The following NEO1 variants were observed in gnomAD, a reference collection of about 807,000 sequenced individuals.
NEO1 encodes the protein neogenin.
Under a neutral mutation model 159.7 loss-of-function variants are expected in NEO1, and 63 were observed. That is an observed-to-expected ratio of 0.39 (90% CI 0.32 to 0.49). The LOEUF (loss-of-function observed/expected upper bound fraction) is 0.49, where lower values mean the gene tolerates loss of function less well. NEO1 is among the 20% of genes least tolerant of loss of function. The pLI is 0.85. For synonymous variants in NEO1, 633 were observed against 662.0 expected (o/e 0.96, Z 0.67); for missense variants, 1,615 against 1,831.0 (o/e 0.88, Z 2.15).
chr15:73,056,901 CA>C (rs1284840830), intron 1 of NEO1, among the ~76,000 whole-genome samples: 2 of 152,016 alleles, frequency 1.3e-5, no homozygotes, highest in Non-Finnish European at 2.9e-5. Flanking sequence ...GAATGAGGCA[CA>C]AAAGAGATCA....
At chr15:73,059,500 TG>T (rs1172496385) in intron 1 of NEO1, among the ~76,000 whole-genome samples, 1 of 152,198 alleles carries the variant, frequency 6.6e-6, no homozygotes, top group African/African-American at 2.4e-5. Context: ...CGTTTATCTT[TG>T]AGGGCTAATT....
At chr15:73,298,651 G>A in intron 27 of NEO1, 40 bp downstream of exon 27, 1 of 1,606,510 alleles carries the variant, frequency 6.2e-7, no homozygotes, top group South Asian at 1.1e-5. Flanking sequence ...GAGCACACCT[G>A]GAGTGACCCT....
At chr15:73,109,539 A>C (rs755079923) in intron 1 of NEO1, among the ~76,000 whole-genome samples, 2 of 152,012 alleles carry the variant, frequency 1.3e-5, no homozygotes, top group East Asian at 1.9e-4. Flanking sequence ...CACTCTTATA[A>C]ATTTTTGTGG....
intron 4 of NEO1, among the ~76,000 whole-genome samples, chr15:73,133,750 G>T (rs554178142): frequency 6.6e-6 from 1 of 151,908 alleles, no homozygotes; most frequent in African/African-American, 2.4e-5. Context: ...AGTTCTAAAG[G>T]CTCGATGGTC....
At chr15:73,136,312 A>G (rs980374798) in intron 5 of NEO1, among the ~76,000 whole-genome samples, 1 of 152,176 alleles carries the variant, frequency 6.6e-6, no homozygotes, top group African/African-American at 2.4e-5. Flanking sequence ...GCTAATACTT[A>G]TAAAACCCCT....
At chr15:73,293,984 C>T (rs559646432) in intron 26 of NEO1, among the ~76,000 whole-genome samples, 115 of 152,268 alleles carry the variant, frequency 7.6e-4, no homozygotes, top group African/African-American at 2.6e-3. Flanking sequence ...CCACCGTGGA[C>T]CAAAGTGCAA....
chr15:73,285,045 C>G (rs909375296), intron 23 of NEO1, among the ~76,000 whole-genome samples: 1 of 152,050 alleles, frequency 6.6e-6, no homozygotes, highest in African/African-American at 2.4e-5. Context: ...ATATTGGGAT[C>G]TTTATTTTTC....
intron 1 of NEO1, among the ~76,000 whole-genome samples, chr15:73,056,494 GTGTAGCACTAACA>G (rs1404866422): frequency 2.9e-4 from 44 of 152,308 alleles, no homozygotes; most frequent in African/African-American, 9.9e-4. Context: ...TGTTTCCCTA[GTGTAGCACTAACA>G]TGTAGCATAG....
intron 1 of NEO1, among the ~76,000 whole-genome samples, chr15:73,089,244 A>G (rs568402741): frequency 5.3e-5 from 8 of 152,218 alleles, no homozygotes; most frequent in African/African-American, 1.9e-4. Context: ...TCTTTTTAAG[A>G]CCGGACATAA....
intron 1 of NEO1, among the ~76,000 whole-genome samples, chr15:73,077,169 G>A (rs1001314884): frequency 4.6e-4 from 70 of 152,074 alleles, no homozygotes; most frequent in African/African-American, 1.6e-3. Context: ...TCAGCCTCCC[G>A]AGTAGCTGGG....
chr15:73,079,702 C>T (rs1223315364), intron 1 of NEO1, among the ~76,000 whole-genome samples: 2 of 152,114 alleles, frequency 1.3e-5, no homozygotes, highest in African/African-American at 4.8e-5. Flanking sequence ...AGTTTCCCTT[C>T]AGAAATGAAC....
intron 7 of NEO1, among the ~76,000 whole-genome samples, chr15:73,184,194 C>T (rs946114244): frequency 1.3e-5 from 2 of 152,010 alleles, no homozygotes; most frequent in East Asian, 1.9e-4. Flanking sequence ...TCACTCTTGT[C>T]GCCCAGGCTG....
chr15:73,062,468 T>C (rs1216348597), intron 1 of NEO1, among the ~76,000 whole-genome samples: 4 of 152,224 alleles, frequency 2.6e-5, no homozygotes, highest in Non-Finnish European at 5.9e-5. Flanking sequence ...CTTAACTTAG[T>C]GATAAGCAAA....
chr15:73,207,061 A>G (rs2037280073), intron 7 of NEO1, among the ~76,000 whole-genome samples: 1 of 152,164 alleles, frequency 6.6e-6, no homozygotes, highest in Non-Finnish European at 1.5e-5. Context: ...TGTAATTTTA[A>G]GAGATTTTGG....
intron 7 of NEO1, among the ~76,000 whole-genome samples, chr15:73,197,389 A>G (rs148219473): frequency 6.6e-6 from 1 of 152,230 alleles, no homozygotes; most frequent in East Asian, 1.9e-4. Context: ...CTAAGAAAGT[A>G]TGATTGGAGA....
At chr15:73,120,157 AT>A (rs2071557108) in intron 2 of NEO1, among the ~76,000 whole-genome samples, 1 of 150,760 alleles carries the variant, frequency 6.6e-6, no homozygotes, top group South Asian at 2.1e-4. Flanking sequence ...TAATTAATTA[AT>A]TTAATTTAAT....
At chr15:73,210,949 T>C (rs1270713787) in intron 7 of NEO1, among the ~76,000 whole-genome samples, 1 of 152,236 alleles carries the variant, frequency 6.6e-6, no homozygotes. Context: ...GAAGCATTTA[T>C]TGAATGTATA....
intron 8 of NEO1, among the ~76,000 whole-genome samples, chr15:73,237,720 G>A (rs924079255): frequency 1.3e-5 from 2 of 151,762 alleles, no homozygotes; most frequent in African/African-American, 4.9e-5. Flanking sequence ...GAGAAACATA[G>A]TTCTATACAT....
intron 1 of NEO1, among the ~76,000 whole-genome samples, chr15:73,099,649 A>G (rs2151497788): frequency 6.6e-6 from 1 of 152,340 alleles, no homozygotes; most frequent in African/African-American, 2.4e-5. Flanking sequence ...CTTTCAATAA[A>G]TTATTCATGT....
Sources: gnomAD v4.1 joint callset for allele counts (sites outside exome capture counted in the v4.1 genomes callset) on GRCh38, gnomAD v4.1.1 for gene constraint, MANE v1.5 for transcripts, NCBI Gene and HGNC (gene_info 2026-07-23, HGNC 2026-07-21) for gene names.